Variants in DOCK3 observed in about 807,000 individuals in gnomAD.
DOCK3 encodes dedicator of cytokinesis protein 3.
Under a neutral mutation model 265.6 loss-of-function variants are expected in DOCK3, and 60 were observed. The observed-to-expected ratio is 0.23, with a 90% CI of 0.18 to 0.28. DOCK3 has a LOEUF of 0.28. Among genes scored for constraint, DOCK3 ranks in the 10% least tolerant of loss-of-function variants. The probability of loss-of-function intolerance (pLI) is 1.00; values close to 1 mark genes in which losing one functional copy is unlikely to be tolerated. For missense variants in DOCK3, 1,981 were observed against 2,594.3 expected, an observed-to-expected ratio of 0.76 and a Z score of 5.14; for synonymous variants, 881 against 938.0, an observed-to-expected ratio of 0.94 and a Z score of 1.11.
rs114060975 is a variant in DOCK3 at position 51,176,939 on chromosome 3, T to C, written c.1037+16237T>C. Among the ~76,000 whole-genome samples, 489 of 152,342 alleles carry C rather than the reference T, an allele frequency of 3.2e-3. 2 individuals carry two copies. Among genetic ancestry groups the C allele is most frequent in the South Asian group, 0.012 (57 of 4,828 alleles). The stretch of plus-strand genomic sequence containing the variant: ...GTAAGTTCCACTTTTACATTTAAAC[T>C]ACAAATCCTACCTAATTCCATCAAT... On this transcript the variant is annotated intron_variant, in intron 12 of 52. Transcript: ENST00000266037.
At chr3:50,731,790 T>C (rs2108127714) in intron 1 of DOCK3, among the ~76,000 whole-genome samples, 1 of 152,304 alleles carries the variant, frequency 6.6e-6, no homozygotes, top group Non-Finnish European at 1.5e-5. Context: ...AATGTTTCTC[T>C]CCTAAGCTTG....
chr3:51,228,899 G>T (rs770446251), intron 18 of DOCK3, 67 bp downstream of exon 18: 6 of 1,510,168 alleles, frequency 4.0e-6, no homozygotes, highest in Non-Finnish European at 5.4e-6. Flanking sequence ...CACTACTAGC[G>T]CATGTGAAGG....
chr3:51,357,931 A>G, intron 45 of DOCK3, 30 bp from the exon 46 acceptor site: 1 of 1,612,782 alleles, frequency 6.2e-7, no homozygotes, highest in Non-Finnish European at 8.5e-7. Flanking sequence ...CTCATGGTTC[A>G]CAGAGTGGCC....
intron 2 of DOCK3, among the ~76,000 whole-genome samples, chr3:50,826,393 G>A (rs1401481435): frequency 2.6e-5 from 4 of 152,020 alleles, no homozygotes; most frequent in African/African-American, 9.7e-5. Flanking sequence ...TGAAGTCTGG[G>A]TCTCCACAAC....
chr3:50,704,785 T>C (rs2036282546), intron 1 of DOCK3, among the ~76,000 whole-genome samples: 1 of 152,002 alleles, frequency 6.6e-6, no homozygotes, highest in South Asian at 2.1e-4. Flanking sequence ...GCCATGACGC[T>C]CAGCTAATTT....
intron 9 of DOCK3, among the ~76,000 whole-genome samples, chr3:51,101,930 T>C (rs987361460): frequency 1.3e-5 from 2 of 152,306 alleles, no homozygotes; most frequent in Admixed American, 6.5e-5. Context: ...CTAAAGCTTT[T>C]CCAGAGTTGG....
intron 49 of DOCK3, among the ~76,000 whole-genome samples, chr3:51,363,848 G>C (rs1022939504): frequency 6.3e-4 from 96 of 152,316 alleles, no homozygotes; most frequent in African/African-American, 2.3e-3. Flanking sequence ...AGTATTCCAT[G>C]GTGTATATGT....
chr3:51,262,527 A>G (rs148522064), intron 23 of DOCK3, among the ~76,000 whole-genome samples: 114 of 152,204 alleles, frequency 7.5e-4, no homozygotes, highest in African/African-American at 2.7e-3. Flanking sequence ...GAGGATCACA[A>G]CTCCTAGCCA....
chr3:51,201,912 C>T (rs1353993772), intron 12 of DOCK3, among the ~76,000 whole-genome samples: 1 of 152,122 alleles, frequency 6.6e-6, no homozygotes, highest in African/African-American at 2.4e-5. Context: ...CAACCTGCTC[C>T]TGAATGACTA....
At chr3:50,919,241 G>A (rs906837938) in intron 4 of DOCK3, among the ~76,000 whole-genome samples, 5 of 152,076 alleles carry the variant, frequency 3.3e-5, no homozygotes, top group African/African-American at 4.8e-5. Context: ...TGGGCAATGC[G>A]GACTCTTTTT....
intron 20 of DOCK3, among the ~76,000 whole-genome samples, chr3:51,237,183 G>A (rs1431271688): frequency 6.6e-6 from 1 of 151,984 alleles, no homozygotes; most frequent in Admixed American, 6.6e-5. Context: ...CCATCTACAC[G>A]CATATTGTTT....
intron 12 of DOCK3, among the ~76,000 whole-genome samples, chr3:51,190,858 C>G (rs554476838): frequency 2.9e-4 from 44 of 152,170 alleles, no homozygotes; most frequent in Non-Finnish European, 5.7e-4. Context: ...AGGGCAAGCA[C>G]TGGCCTCTAT....
At chr3:50,961,141 C>T (rs1283353901) in intron 5 of DOCK3, among the ~76,000 whole-genome samples, 3 of 152,142 alleles carry the variant, frequency 2.0e-5, no homozygotes, top group East Asian at 1.9e-4. Context: ...TTAACAAGTG[C>T]GAGTCCTTCA....
At chr3:51,022,354 G>T (rs1480045441) in intron 5 of DOCK3, among the ~76,000 whole-genome samples, 1 of 152,118 alleles carries the variant, frequency 6.6e-6, no homozygotes, top group Non-Finnish European at 1.5e-5. Context: ...ACTGTAATGT[G>T]CTTTGGTCTG....
rs1171229015 is a variant in DOCK3 at position 51,384,064 on chromosome 3, ATT to A, written c.*2506_*2507del. On this transcript the variant is annotated 3_prime_UTR_variant, in exon 53 of 53. Coordinates refer to ENST00000266037, the MANE Select transcript of DOCK3 (RefSeq NM_004947.5). ...TCCCAAGAGGTATTTTACTGTATATATTGTGGTAGCATGTTCAAAATCCAACA... is the reference window on the plus strand; with the variant it reads ...TCCCAAGAGGTATTTTACTGTATATAGTGGTAGCATGTTCAAAATCCAACA... 1.2e-4 allele frequency: 18 copies of A among 152,680 alleles called. No homozygotes were observed. Among genetic ancestry groups the A allele is most frequent in the Admixed American group, 1.2e-3 (18 of 15,292 alleles). 9.5% of individuals were successfully genotyped at this position (152,680 alleles called of 1,614,324 possible).
At chr3:50,707,344 T>G (rs1358932714) in intron 1 of DOCK3, among the ~76,000 whole-genome samples, 2 of 151,110 alleles carry the variant, frequency 1.3e-5, no homozygotes, top group African/African-American at 4.9e-5. Flanking sequence ...GGCTGAGGCA[T>G]GAGAATCACT....
intron 5 of DOCK3, among the ~76,000 whole-genome samples, chr3:50,942,649 ATAAC>A (rs2076326299): frequency 6.6e-6 from 1 of 152,046 alleles, no homozygotes; most frequent in African/African-American, 2.4e-5. Context: ...TGCAGAATCA[ATAAC>A]TGATTACTCT....
At chr3:51,313,902 G>T (rs1166844076) in intron 31 of DOCK3, among the ~76,000 whole-genome samples, 1 of 152,180 alleles carries the variant, frequency 6.6e-6, no homozygotes, top group Non-Finnish European at 1.5e-5. Flanking sequence ...ACTGGCTACT[G>T]TGCCAAGTAC....
intron 2 of DOCK3, among the ~76,000 whole-genome samples, chr3:50,790,457 G>A (rs973115129): frequency 8.8e-6 from 1 of 113,176 alleles, no homozygotes; most frequent in African/African-American, 3.1e-5. Context: ...TGAGGTTTTT[G>A]TTTCAATATT....
Sources: gnomAD v4.1 joint callset for allele counts (sites outside exome capture counted in the v4.1 genomes callset) on GRCh38, gnomAD v4.1.1 for gene constraint, MANE v1.5 for transcripts, NCBI Gene and HGNC (gene_info 2026-07-23, HGNC 2026-07-21) for gene names.